HERC1: variants seen among roughly 807,000 people sequenced by gnomAD.
HERC1 encodes probable E3 ubiquitin-protein ligase HERC1.
A neutral mutation model predicts 554.3 loss-of-function variants in HERC1; 160 were observed. The observed-to-expected ratio is 0.29, with a 90% CI of 0.25 to 0.33. The LOEUF (loss-of-function observed/expected upper bound fraction) is 0.33. Among genes scored for constraint, HERC1 ranks in the 10% least tolerant of loss-of-function variants. The pLI is 1.00. For missense variants in HERC1, 4,919 were observed against 5,918.5 expected (o/e 0.83, Z 5.54); for synonymous variants, 2,175 against 2,131.7 (o/e 1.02, Z -0.56).
chr15:63,622,593 A>G (rs537767980), intron 74 of HERC1, among the ~76,000 whole-genome samples: 222 of 152,254 alleles, frequency 1.5e-3, no homozygotes, highest in African/African-American at 4.9e-3. Flanking sequence ...TCAGCCTCCC[A>G]AAGTGCTGGA....
chr15:63,819,615 A>T (rs1430547404), intron 1 of HERC1, among the ~76,000 whole-genome samples: 1 of 152,212 alleles, frequency 6.6e-6, no homozygotes, highest in Non-Finnish European at 1.5e-5. Flanking sequence ...TTGGCAAAAC[A>T]GAACTAGAAA....
intron 1 of HERC1, among the ~76,000 whole-genome samples, chr15:63,790,300 T>C (rs571394039): frequency 6.6e-6 from 1 of 152,114 alleles, no homozygotes; most frequent in Non-Finnish European, 1.5e-5. Flanking sequence ...CTTTTTAGGC[T>C]AGGCGCGGTG....
chr15:63,636,008 G>T lies in HERC1; in HGVS notation c.12367C>A (p.Arg4123=), dbSNP rs2068764019. ...KLGHGNSDRQ[R]RPRQIEALQG... ...AAGGCCTCGATCTGCCTGGGCCGCC[G>T]CTGCCTGTCGCTGTTCCCATGGCCA... Residue 4123 remains arginine, a synonymous_variant, in exon 65 of 78, where the codon CGG becomes AGG. Coordinates refer to ENST00000443617, the MANE Select transcript of HERC1 (RefSeq NM_003922.4). The T allele has an allele frequency of 1.9e-6, 3 of 1,613,716 alleles. No homozygotes were observed. Among genetic ancestry groups the T allele is most frequent in the Non-Finnish European group, 2.5e-6 (3 of 1,179,864 alleles).
chr15:63,676,487 T>C (rs2071214198), intron 37 of HERC1, among the ~76,000 whole-genome samples: 1 of 152,194 alleles, frequency 6.6e-6, no homozygotes, highest in Admixed American at 6.5e-5. Flanking sequence ...CCGAGCGTGG[T>C]GGCTCATGTC....
intron 60 of HERC1, among the ~76,000 whole-genome samples, chr15:63,640,968 T>C (rs150138601): frequency 6.6e-6 from 1 of 152,342 alleles, no homozygotes; most frequent in African/African-American, 2.4e-5. Flanking sequence ...GATCACTGTC[T>C]GGACAAGTTC....
Position 63,615,221 on chromosome 15 carries a change from C to T in HERC1, c.14094+547G>A, listed in dbSNP as rs540784408. Among the ~76,000 whole-genome samples, 5 of 152,274 alleles carry T rather than the reference C, an allele frequency of 3.3e-5. No individual in the cohort carries two copies. In the East Asian group the frequency reaches 9.6e-4, roughly 29 times the overall value. ...GGTCTGAATGCCAGATGAAAACAGT[C>T]TCAATCCAACCAAAGACCAATTCAG... On this transcript the variant is annotated intron_variant, in intron 76 of 77. Coordinates refer to ENST00000443617, the MANE Select transcript of HERC1 (RefSeq NM_003922.4).
intron 54 of HERC1, among the ~76,000 whole-genome samples, 181 bp from the exon 55 acceptor site, chr15:63,648,380 T>C (rs2069469005): frequency 6.6e-6 from 1 of 152,278 alleles, no homozygotes. Flanking sequence ...TAACATACTT[T>C]TTAAAAGTGT....
Position 63,674,313 on chromosome 15 carries a change from G to T in HERC1, c.7846+29C>A, listed in dbSNP as rs532539258. 7.5e-6 allele frequency: 10 copies of T among 1,325,102 alleles called. No individual in the cohort carries two copies. In the African/African-American group the frequency reaches 8.0e-5, roughly 11 times the overall value. The allele number at this position is 1,325,102 out of a possible 1,614,324, so 82.1% of individuals were successfully genotyped here. A position where few individuals can be genotyped will look rare whatever the true frequency, so the allele number is the denominator to read the frequency against. On this transcript the variant is annotated intron_variant, in intron 38 of 77. Coordinates refer to ENST00000443617, the MANE Select transcript of HERC1 (RefSeq NM_003922.4). ...TGAAAATAATCTCAACAGCACAAAA[G>T]CAAAAAAAAAAAAAATCAGATAACA...
chr15:63,641,572 T>C lies in HERC1; in HGVS notation c.11505A>G (p.Ala3835=), dbSNP rs367931850. 125 of 1,607,002 alleles carry C rather than the reference T, an allele frequency of 7.8e-5. No homozygotes were observed. The highest frequency in any genetic ancestry group is 1.0e-4 in the Non-Finnish European group (119 of 1,176,366). The stretch of plus-strand genomic sequence containing the variant: ...ATCCCAGAACACCCTGCTGTTTCAA[T>C]GCTGTCCTACAGGTTGCCAAAACAT... The part of the protein sequence containing the change: ...ANHVLATCRT[A]LKQQGVLGLN... The change falls in exon 60 of 78, where the codon GCA becomes GCG. Residue 3835 remains alanine (A), a synonymous_variant. Transcript: ENST00000443617.
rs1197746814 is a variant in HERC1, at chr15:63,616,685, G to A, written c.13689-3C>T. The A allele has an allele frequency of 1.9e-6, 3 of 1,611,344 alleles. No individual in the cohort carries two copies. The highest frequency in any genetic ancestry group is 2.5e-6 in the Non-Finnish European group (3 of 1,178,614). On this transcript the variant is annotated splice_polypyrimidine_tract_variant and splice_region_variant and intron_variant, in intron 74 of 77. Coordinates refer to ENST00000443617, the MANE Select transcript of HERC1 (RefSeq NM_003922.4). ...AGGCAGAAGGGTTAAAAAGGAACCT[G>A]TAAAATTAAAGGGAATATTTCAAAC...
rs138069909 is a variant in HERC1 at position 63,734,008 on chromosome 15, GA to G, written c.2646+715del. Among the ~76,000 whole-genome samples, 4 of 151,028 alleles carry G rather than the reference GA, an allele frequency of 2.6e-5. No homozygotes were observed. Among genetic ancestry groups the G allele is most frequent in the African/African-American group, 7.3e-5 (3 of 41,084 alleles). On this transcript the variant is annotated intron_variant, in intron 13 of 77. Transcript: ENST00000443617. This position sits in a 1 kb window ranked among gnomAD's most constrained non-coding sequence, Gnocchi z 4.6. ...CAAGACCCCACCGCTATAAAAATAA[GA>G]AAAAAAAATTAGCCGGGTGTGGTGG...
chr15:63,693,148 A>T (rs1195770302), intron 30 of HERC1, among the ~76,000 whole-genome samples: 1 of 152,092 alleles, frequency 6.6e-6, no homozygotes, highest in Non-Finnish European at 1.5e-5. Context: ...ACTGCACTCC[A>T]GCCTGGGTGA....
intron 1 of HERC1, among the ~76,000 whole-genome samples, chr15:63,789,010 A>G (rs2143978957): frequency 6.6e-6 from 1 of 152,092 alleles, no homozygotes; most frequent in Non-Finnish European, 1.5e-5. Flanking sequence ...TGAGATGTTA[A>G]AAGTAAACTT....
At chr15:63,674,095 T>C (rs111722218) in intron 38 of HERC1, among the ~76,000 whole-genome samples, 4 of 152,178 alleles carry the variant, frequency 2.6e-5, no homozygotes, top group African/African-American at 9.6e-5. Context: ...TTTTACAAAA[T>C]GTAGTAATAA....
At chr15:63,703,804 G>A (rs918443679) in intron 25 of HERC1, among the ~76,000 whole-genome samples, 11 of 152,024 alleles carry the variant, frequency 7.2e-5, no homozygotes, top group Non-Finnish European at 1.6e-4. Context: ...AGCTACTTGA[G>A]AGGCTCAGAT....
At chr15:63,623,973 G>T in intron 72 of HERC1, 83 bp from the exon 73 acceptor site, 1 of 1,467,348 alleles carries the variant, frequency 6.8e-7, no homozygotes, top group South Asian at 1.2e-5. Flanking sequence ...ATCAGTGAAT[G>T]AAAAAGCTAG....
chr15:63,766,701 G>C (rs2075789968), intron 2 of HERC1, among the ~76,000 whole-genome samples: 1 of 152,226 alleles, frequency 6.6e-6, no homozygotes, highest in Non-Finnish European at 1.5e-5. Context: ...TTTTGAGACA[G>C]AGCTTCACTC....
At chr15:63,764,860 G>A (rs921175222) in intron 2 of HERC1, among the ~76,000 whole-genome samples, 1 of 152,226 alleles carries the variant, frequency 6.6e-6, no homozygotes, top group Non-Finnish European at 1.5e-5. Flanking sequence ...GATCTCAGGA[G>A]CTGGGTGAGT....
intron 65 of HERC1, among the ~76,000 whole-genome samples, chr15:63,635,346 G>C (rs1324947603): frequency 6.6e-6 from 1 of 152,138 alleles, no homozygotes; most frequent in Non-Finnish European, 1.5e-5. Flanking sequence ...ACTGCATCTG[G>C]CCAACTGGTA....
Sources: gnomAD v4.1 joint callset for allele counts (sites outside exome capture counted in the v4.1 genomes callset) on GRCh38, gnomAD v4.1.1 for gene constraint, Gnocchi (gnomAD v3.1) non-coding constraint, MANE v1.5 for transcripts, NCBI Gene and HGNC (gene_info 2026-07-23, HGNC 2026-07-21) for gene names.